The following CD96 variants were observed in gnomAD, a reference collection of about 807,000 sequenced individuals.
CD96 encodes T-cell surface protein tactile.
CD96 carries 70 observed loss-of-function variants against 71.3 expected under a neutral mutation model. The ratio of observed to expected loss-of-function variants is 0.98; its 90% CI spans 0.81 to 1.20. CD96 has a LOEUF of 1.20. Ranked by LOEUF, CD96 falls within the 50% of genes most tolerant of loss-of-function variation. The pLI is 0.00. For missense variants in CD96, 742 were observed against 677.5 expected (o/e 1.10, Z -1.06); for synonymous variants, 248 against 233.0 (o/e 1.06, Z -0.59).
At chr3:111,594,765 A>C (rs1156614900) in intron 5 of CD96, 4 of 167,418 alleles carry the variant, frequency 2.4e-5, no homozygotes, top group African/African-American at 9.6e-5. Context: ...AAAAGCAAAC[A>C]CAGGCAGATG....
intron 5 of CD96, among the ~76,000 whole-genome samples, chr3:111,597,139 A>G (rs191166690): frequency 7.9e-5 from 12 of 152,340 alleles, no homozygotes; most frequent in Non-Finnish European, 1.0e-4. Context: ...ATATTCATTA[A>G]TTGTGGAAAA....
At chr3:111,643,080 A>C (rs1939668057) in intron 12 of CD96, among the ~76,000 whole-genome samples, 1 of 151,368 alleles carries the variant, frequency 6.6e-6, no homozygotes, top group South Asian at 2.1e-4. Flanking sequence ...TAAAAAAAAA[A>C]AAAAAAAAAA....
intron 10 of CD96, among the ~76,000 whole-genome samples, chr3:111,636,280 A>C (rs1364917092): frequency 2.0e-5 from 3 of 152,232 alleles, no homozygotes; most frequent in Admixed American, 6.5e-5. Context: ...GCTGCTGTTG[A>C]CATCTAAGAA....
At chr3:111,586,284 GA>G (rs1277251607) in intron 5 of CD96, among the ~76,000 whole-genome samples, 1 of 152,074 alleles carries the variant, frequency 6.6e-6, no homozygotes, top group Non-Finnish European at 1.5e-5. Flanking sequence ...TACATGGGGC[GA>G]GAGAAAATTA....
At chr3:111,555,803 A>G (rs1415816473) in intron 2 of CD96, among the ~76,000 whole-genome samples, 1 of 152,302 alleles carries the variant, frequency 6.6e-6, no homozygotes, top group Non-Finnish European at 1.5e-5. Flanking sequence ...AAGTTTTTAA[A>G]TAATCAAATA....
chr3:111,580,691 C>A (rs773657384), intron 4 of CD96, among the ~76,000 whole-genome samples: 2 of 152,148 alleles, frequency 1.3e-5, no homozygotes, highest in Non-Finnish European at 2.9e-5. Context: ...TGCATCCTCC[C>A]CCTTCTCTTT....
At chr3:111,558,735 G>A (rs1363957208) in intron 2 of CD96, among the ~76,000 whole-genome samples, 1 of 128,312 alleles carries the variant, frequency 7.8e-6, no homozygotes, top group East Asian at 2.4e-4. Context: ...ATGAGTTAGG[G>A]AGGATTCCCT....
chr3:111,645,121 T>A (rs999447393), intron 12 of CD96, among the ~76,000 whole-genome samples: 11 of 152,078 alleles, frequency 7.2e-5, no homozygotes, highest in Non-Finnish European at 1.5e-4. Flanking sequence ...CAAATGCCCA[T>A]CAATCAATGA....
intron 8 of CD96, among the ~76,000 whole-genome samples, chr3:111,615,384 G>A (rs1054473613): frequency 3.3e-5 from 5 of 152,222 alleles, no homozygotes; most frequent in African/African-American, 1.2e-4. Context: ...GCTTTCACGT[G>A]GGTGGTTCCT....
At chr3:111,575,520 A>G (rs58187604) in intron 3 of CD96, among the ~76,000 whole-genome samples, 3,368 of 152,310 alleles carry the variant, frequency 0.022, 78 homozygotes, top group South Asian at 0.079. Flanking sequence ...CCAAGGGCCA[A>G]CCCTTACGGG....
At chr3:111,588,038 C>A (rs1936796998) in intron 5 of CD96, among the ~76,000 whole-genome samples, 1 of 152,192 alleles carries the variant, frequency 6.6e-6, no homozygotes, top group African/African-American at 2.4e-5. Flanking sequence ...ACATTCAGCT[C>A]CTTGTTACTT....
chr3:111,557,223 G>A (rs1372881501), intron 2 of CD96, among the ~76,000 whole-genome samples: 11 of 122,170 alleles, frequency 9.0e-5, no homozygotes, highest in African/African-American at 1.5e-4. Context: ...GATCCCATTC[G>A]TCAATTTTGG....
chr3:111,650,169 T>C lies in CD96; in HGVS notation c.*363T>C. On this transcript the variant is annotated 3_prime_UTR_variant, in exon 14 of 14. Transcript: ENST00000352690. ...TGTATGCCCATGCCTGATCCTCTTA[T>C]TTGAACATCTATCAACATTGTAAAC... 7.4e-6 allele frequency: 2 copies of C among 271,808 alleles called. No homozygotes were observed. Among genetic ancestry groups the C allele is most frequent in the Non-Finnish European group, 1.5e-5 (2 of 136,212 alleles). 16.8% of individuals were successfully genotyped at this position (271,808 alleles called of 1,614,324 possible).
chr3:111,618,760 C>T (rs113399871), intron 8 of CD96, among the ~76,000 whole-genome samples: 31 of 151,566 alleles, frequency 2.0e-4, no homozygotes, highest in Non-Finnish European at 7.4e-5. Flanking sequence ...TTAGTAGAGA[C>T]GGGGGTTTCA....
Position 111,651,896 on chromosome 3 carries a change from A to AAAGAAAG in CD96, c.*2092_*2093insGAAAGAA, listed in dbSNP as rs557338377. On this transcript the variant is annotated 3_prime_UTR_variant, in exon 14 of 14. Transcript: ENST00000352690. ...GAGACTCCGCCTCAAAAAAAAAAAA[A>AAAGAAAG]AAAGAAAGAAAGAAAGAAAGAAAGA... 1.0e-4 allele frequency: 15 copies of AAAGAAAG among 146,386 alleles called. No individual in the cohort carries two copies. Among genetic ancestry groups the AAAGAAAG allele is most frequent in the Non-Finnish European group, 1.5e-4 (10 of 66,842 alleles). 9.1% of individuals were successfully genotyped at this position (146,386 alleles called of 1,614,324 possible).
chr3:111,542,859 G>A (rs1261683622), intron 1 of CD96, among the ~76,000 whole-genome samples: 2 of 152,210 alleles, frequency 1.3e-5, no homozygotes, highest in Admixed American at 6.5e-5. Flanking sequence ...CAGTGGGAAC[G>A]AGAGCCTAAT....
At chr3:111,612,903 T>C (rs1938025693) in intron 8 of CD96, 2 of 712,934 alleles carry the variant, frequency 2.8e-6, no homozygotes, top group Non-Finnish European at 3.4e-6. Context: ...GAGAAACCCC[T>C]CCTGCATCTG....
At chr3:111,638,827 A>G (rs56409108) in intron 12 of CD96, among the ~76,000 whole-genome samples, 3 of 152,308 alleles carry the variant, frequency 2.0e-5, no homozygotes, top group Non-Finnish European at 2.9e-5. Flanking sequence ...CGTGGCAATA[A>G]AGCTGCAAAC....
At chr3:111,570,779 G>A in intron 3 of CD96, 1 of 1,613,624 alleles carries the variant, frequency 6.2e-7, no homozygotes, top group South Asian at 1.1e-5. Flanking sequence ...CTAGATCCAG[G>A]GAAACGTCTT....
Sources: gnomAD v4.1 joint callset for allele counts (sites outside exome capture counted in the v4.1 genomes callset) on GRCh38, gnomAD v4.1.1 for gene constraint, MANE v1.5 for transcripts, NCBI Gene and HGNC (gene_info 2026-07-23, HGNC 2026-07-21) for gene names.